KCND2: variants seen among roughly 807,000 people sequenced by gnomAD.
The protein encoded by KCND2 is potassium voltage-gated channel subfamily D member 2.
Under a neutral mutation model 54.4 loss-of-function variants are expected in KCND2, and 16 were observed. The observed-to-expected ratio is 0.29, with a 90% confidence interval of 0.20 to 0.45. KCND2 has a LOEUF of 0.45. Among genes scored for constraint, KCND2 ranks in the 20% least tolerant of loss-of-function variants. The probability of loss-of-function intolerance (pLI) is 1.00; values close to 1 mark genes in which losing one functional copy is unlikely to be tolerated. For synonymous variants in KCND2, 317 were observed against 310.7 expected (o/e 1.02, Z -0.21); for missense variants, 486 against 824.2 (o/e 0.59, Z 5.02).
intron 1 of KCND2, among the ~76,000 whole-genome samples, chr7:120,625,362 C>A (rs1309276215): frequency 6.6e-6 from 1 of 152,184 alleles, no homozygotes; most frequent in Non-Finnish European, 1.5e-5. Context: ...GGATTTTTCT[C>A]TAAGCTTTGC....
intron 1 of KCND2, among the ~76,000 whole-genome samples, chr7:120,580,412 C>A (rs2116442292): frequency 6.6e-6 from 1 of 152,280 alleles, no homozygotes. Flanking sequence ...ACTTTCCTCT[C>A]TCCTCCACCC....
At chr7:120,684,348 A>T (rs1315871603) in intron 1 of KCND2, among the ~76,000 whole-genome samples, 1 of 152,226 alleles carries the variant, frequency 6.6e-6, no homozygotes, top group Non-Finnish European at 1.5e-5. Context: ...TGAAGACAAG[A>T]TTAATCAGGA....
At chr7:120,306,971 A>G (rs1196553337) in intron 1 of KCND2, among the ~76,000 whole-genome samples, 1 of 152,048 alleles carries the variant, frequency 6.6e-6, no homozygotes, top group East Asian at 1.9e-4. Flanking sequence ...ATTAAACTGC[A>G]TTTTAAATTG....
chr7:120,508,127 C>T (rs1803056275), intron 1 of KCND2, among the ~76,000 whole-genome samples: 1 of 151,544 alleles, frequency 6.6e-6, no homozygotes, highest in African/African-American at 2.4e-5. Context: ...TATTGTGAAA[C>T]AAAACCAATC....
intron 1 of KCND2, among the ~76,000 whole-genome samples, chr7:120,469,080 C>A (rs1394394685): frequency 6.6e-6 from 1 of 152,098 alleles, no homozygotes; most frequent in Non-Finnish European, 1.5e-5. Flanking sequence ...TCTCTGCCTT[C>A]AAGTCCCTAT....
intron 1 of KCND2, among the ~76,000 whole-genome samples, chr7:120,285,721 A>G (rs2116264862): frequency 6.6e-6 from 1 of 152,046 alleles, no homozygotes; most frequent in Non-Finnish European, 1.5e-5. Context: ...GTCTGCTATT[A>G]CTTTTTTAAT....
intron 1 of KCND2, among the ~76,000 whole-genome samples, chr7:120,368,021 T>TTACGGCTAATCTA (rs1363720106): frequency 6.6e-6 from 1 of 152,008 alleles, no homozygotes; most frequent in Non-Finnish European, 1.5e-5. Flanking sequence ...TAACCAGGAG[T>TTACGGCTAATCTA]GTCACATCTA....
At chr7:120,432,729 C>T (rs567859657) in intron 1 of KCND2, among the ~76,000 whole-genome samples, 5 of 152,234 alleles carry the variant, frequency 3.3e-5, no homozygotes, top group African/African-American at 1.2e-4. Flanking sequence ...ACTGCAACCT[C>T]CACCTCTATG....
intron 1 of KCND2, among the ~76,000 whole-genome samples, chr7:120,644,484 G>A (rs1663859812): frequency 1.3e-5 from 2 of 152,142 alleles, no homozygotes; most frequent in South Asian, 4.2e-4. Flanking sequence ...AAACTACCAG[G>A]AAATGCCCAT....
chr7:120,521,297 T>C (rs1194896434), intron 1 of KCND2, among the ~76,000 whole-genome samples: 1 of 152,118 alleles, frequency 6.6e-6, no homozygotes, highest in Non-Finnish European at 1.5e-5. Flanking sequence ...CAGACTGCAA[T>C]GTAAGATGTC....
chr7:120,513,130 T>C (rs1273978572), intron 1 of KCND2, among the ~76,000 whole-genome samples: 2 of 152,092 alleles, frequency 1.3e-5, no homozygotes. Context: ...GTGAAGTGAA[T>C]AATGAATGGA....
Position 120,737,353 on chromosome 7 carries a change from A to C in KCND2, c.1279-4181A>C, listed in dbSNP as rs150824863. ...TCTCTTAGGTTATCTACTGTTAAAA[A>C]CAAAATTACCCAGCTCCTAATTCCA... On this transcript the variant is annotated intron_variant, in intron 2 of 5. Coordinates refer to ENST00000331113, the MANE Select transcript of KCND2 (RefSeq NM_012281.3). Among the ~76,000 whole-genome samples the C allele has an allele frequency of 1.6e-3, 242 of 152,118 alleles. 1 individual carries two copies. The highest frequency in any genetic ancestry group is 5.8e-3 in the African/African-American group (240 of 41,554).
chr7:120,381,750 G>A (rs990274432), intron 1 of KCND2, among the ~76,000 whole-genome samples: 2 of 151,994 alleles, frequency 1.3e-5, no homozygotes, highest in Non-Finnish European at 2.9e-5. Flanking sequence ...GAGCAAATGG[G>A]TTCTGTGATA....
rs117463067 is a variant in KCND2 at position 120,646,818 on chromosome 7, A to G, written c.1116-86085A>G. Among the ~76,000 whole-genome samples the G allele has an allele frequency of 1.6e-3, 250 of 152,356 alleles. 8 individuals carry two copies. The East Asian group carries it at 0.04, about 25-fold the overall frequency. Reference sequence around the variant, plus strand: ...TTCCTTTAGAAAGATAACAATTTAGAAAGTATATTTTCTACTAGTGAAAGT... The same window carrying G: ...TTCCTTTAGAAAGATAACAATTTAGGAAGTATATTTTCTACTAGTGAAAGT... On this transcript the variant is annotated intron_variant, in intron 1 of 5. Transcript: ENST00000331113.
chr7:120,732,367 G>C (rs1792818885), intron 1 of KCND2, among the ~76,000 whole-genome samples: 1 of 152,164 alleles, frequency 6.6e-6, no homozygotes, highest in African/African-American at 2.4e-5. Context: ...ATGAGAGATT[G>C]AGTTAGATTT....
At chr7:120,551,290 G>GT (rs773182488) in intron 1 of KCND2, among the ~76,000 whole-genome samples, 26 of 152,120 alleles carry the variant, frequency 1.7e-4, no homozygotes, top group Non-Finnish European at 3.8e-4. Context: ...ATTAAAAGTA[G>GT]TTTCCTAAGA....
At chr7:120,432,505 A>G (rs1801807025) in intron 1 of KCND2, among the ~76,000 whole-genome samples, 1 of 151,464 alleles carries the variant, frequency 6.6e-6, no homozygotes, top group Non-Finnish European at 1.5e-5. Context: ...ATACACGCAC[A>G]CACACACACA....
At chr7:120,696,733 GT>G (rs1324406092) in intron 1 of KCND2, among the ~76,000 whole-genome samples, 1 of 152,108 alleles carries the variant, frequency 6.6e-6, no homozygotes, top group Non-Finnish European at 1.5e-5. Context: ...TTGCTCTTGC[GT>G]TTTCTTGCCC....
At chr7:120,455,166 C>T (rs1168740348) in intron 1 of KCND2, among the ~76,000 whole-genome samples, 1 of 151,224 alleles carries the variant, frequency 6.6e-6, no homozygotes, top group Non-Finnish European at 1.5e-5. Context: ...ACATTCTTCA[C>T]AGAATTTAGA....
Sources: gnomAD v4.1 joint callset for allele counts (sites outside exome capture counted in the v4.1 genomes callset) on GRCh38, gnomAD v4.1.1 for gene constraint, MANE v1.5 for transcripts, NCBI Gene and HGNC (gene_info 2026-07-23, HGNC 2026-07-21) for gene names.